The following PIK3R1 variants were observed in gnomAD, a reference collection of about 807,000 sequenced individuals.
The protein encoded by PIK3R1 is phosphatidylinositol 3-kinase regulatory subunit alpha.
A neutral mutation model predicts 98.0 loss-of-function variants in PIK3R1; 29 were observed. The ratio of observed to expected loss-of-function variants is 0.30; its 90% CI spans 0.22 to 0.40. The LOEUF is 0.40. Ranked by LOEUF, PIK3R1 falls within the 10% of genes least tolerant of loss-of-function variation. PIK3R1 has a pLI of 1.00. For synonymous variants in PIK3R1, 282 were observed against 311.8 expected (o/e 0.90, Z 1.01); for missense variants, 596 against 872.7 (o/e 0.68, Z 3.99).
intron 15 of PIK3R1, among the ~76,000 whole-genome samples, 163 bp downstream of exon 15, chr5:68,296,504 T>G (rs1419355183): frequency 1.3e-5 from 2 of 152,242 alleles, no homozygotes; most frequent in Non-Finnish European, 2.9e-5. Context: ...TAATACCATT[T>G]TAAAGTCTAG....
chr5:68,236,191 T>C (rs867151320), intron 2 of PIK3R1, among the ~76,000 whole-genome samples: 1 of 151,742 alleles, frequency 6.6e-6, no homozygotes, highest in African/African-American at 2.4e-5. Context: ...TTTATAGACA[T>C]TTTTCATTTG....
chr5:68,236,489 T>G (rs1392939389), intron 2 of PIK3R1, among the ~76,000 whole-genome samples: 1 of 152,010 alleles, frequency 6.6e-6, no homozygotes, highest in Non-Finnish European at 1.5e-5. Flanking sequence ...GACCTTGTGA[T>G]CCGCCCACCT....
At chr5:68,227,098 G>A in intron 2 of PIK3R1, 89 bp downstream of exon 2, 2 of 1,206,630 alleles carry the variant, frequency 1.7e-6, no homozygotes, top group East Asian at 2.4e-5. Flanking sequence ...GTTATGTTCT[G>A]GGCAGAAGTT....
In PIK3R1 at chr5:68,262,546, C is replaced by CTA. The variant is rs138447496; in HGVS notation, c.335-10843_335-10842dup. Reference sequence around the variant, plus strand: ...GATACATAGCTATATAGATACATATCTAATGTATACATGTATACACATGTA... The same window carrying CTA: ...GATACATAGCTATATAGATACATATCTATAATGTATACATGTATACACATGTA... On this transcript the variant is annotated intron_variant, in intron 2 of 15. Coordinates refer to ENST00000521381, the MANE Select transcript of PIK3R1 (RefSeq NM_181523.3). Among the ~76,000 whole-genome samples the CTA allele has an allele frequency of 2.7e-3, 374 of 140,708 alleles. 3 individuals carry two copies. The highest frequency in any genetic ancestry group is 9.4e-3 in the African/African-American group (352 of 37,452). The allele number at this position is 140,708 out of a possible 152,430, so 92.3% of individuals were successfully genotyped here. A position where few individuals can be genotyped will look rare whatever the true frequency, so the allele number is the denominator to read the frequency against.
chr5:68,219,309 T>G (rs553783598), intron 1 of PIK3R1, among the ~76,000 whole-genome samples: 1 of 152,344 alleles, frequency 6.6e-6, no homozygotes, highest in Admixed American at 6.5e-5. Flanking sequence ...AAAATAGTTG[T>G]CAGGTTAATG....
At position 68,226,306 on chromosome 5, in the gene PIK3R1, G is replaced by A. The variant is rs574669768; in HGVS notation, c.-370G>A. The A allele has an allele frequency of 5.3e-5, 22 of 414,388 alleles. No homozygotes were observed. The South Asian group carries it at 2.3e-3, about 43-fold the overall frequency. 25.7% of individuals were successfully genotyped at this position (414,388 alleles called of 1,614,324 possible). A position where few individuals can be genotyped will look rare whatever the true frequency, so the allele number is the denominator to read the frequency against. ...CATTCCTAGGTGAAGCTCGTGTGTG[G>A]AGTGCCACGGTACAATCAGACGACA... is the stretch of plus-strand genomic sequence containing the variant. On this transcript the variant is annotated 5_prime_UTR_variant, in exon 2 of 16. Transcript: ENST00000521381.
At chr5:68,292,948 C>T in intron 8 of PIK3R1, 153 bp from the exon 9 acceptor site, 1 of 683,284 alleles carries the variant, frequency 1.5e-6, no homozygotes. Flanking sequence ...TAATTTAAAT[C>T]TATGTGGGCA....
chr5:68,281,219 T>C (rs1361104941), intron 7 of PIK3R1, among the ~76,000 whole-genome samples: 2 of 152,214 alleles, frequency 1.3e-5, no homozygotes, highest in Non-Finnish European at 2.9e-5. Context: ...TTTTAAATTA[T>C]CTTGGTTTTA....
Position 68,273,983 on chromosome 5 carries a change from C to G in PIK3R1, c.472C>G (p.Leu158Val). ...TLYRTQSSSN[L>V]AELRQLLDCD... Reference sequence around the variant, plus strand: ...ATACAGAACACAGAGCTCCAGCAACCTGGCAGAATTACGACAGCTTCTTGA... The same window carrying G: ...ATACAGAACACAGAGCTCCAGCAACGTGGCAGAATTACGACAGCTTCTTGA... The change falls in exon 4 of 16, where the codon CTG (leucine) becomes GTG (valine). Residue 158 changes from leucine (L) to valine (V), a missense_variant. This residue lies in a region of PIK3R1 where 352 missense variants were observed against 393.3 expected (regional missense o/e 0.90). Transcript: ENST00000521381. 2 of 1,614,006 alleles carry G rather than the reference C, an allele frequency of 1.2e-6. No individual in the cohort carries two copies. The highest frequency in any genetic ancestry group is 1.7e-6 in the Non-Finnish European group (2 of 1,179,886).
Position 68,300,954 on chromosome 5 carries a change from T to A in PIK3R1, c.*3353T>A, listed in dbSNP as rs878919266. 1 of 233,470 alleles carries A rather than the reference T, an allele frequency of 4.3e-6. No individual in the cohort carries two copies. The highest frequency in any genetic ancestry group is 5.6e-5 in the Admixed American group (1 of 17,796). 14.5% of individuals were successfully genotyped at this position (233,470 alleles called of 1,614,324 possible). On this transcript the variant is annotated 3_prime_UTR_variant, in exon 16 of 16. Transcript: ENST00000521381. ...CGAGTCAAAATGTGTTTATGTGAGC[T>A]GTCACTGTGGGGAACCAATTGCTTT...
At chr5:68,280,186 C>T (rs1026934024) in intron 5 of PIK3R1, 2 of 345,226 alleles carry the variant, frequency 5.8e-6, no homozygotes, top group Non-Finnish European at 1.1e-5. Flanking sequence ...GGTTCGTAAC[C>T]TTCAAAGTTA....
At chr5:68,242,317 G>A (rs1399285994) in intron 2 of PIK3R1, among the ~76,000 whole-genome samples, 1 of 152,218 alleles carries the variant, frequency 6.6e-6, no homozygotes, top group Admixed American at 6.5e-5. Flanking sequence ...TTTTCATGTG[G>A]CCTCAAGTTG....
rs575767134 is a variant in PIK3R1, at chr5:68,263,229, C to T, written c.335-10161C>T. Among the ~76,000 whole-genome samples the T allele has an allele frequency of 3.8e-5, 5 of 132,946 alleles. No individual in the cohort carries two copies. In the East Asian group the frequency reaches 6.3e-4, roughly 17 times the overall value. 87.2% of individuals were successfully genotyped at this position (132,946 alleles called of 152,430 possible). On this transcript the variant is annotated intron_variant, in intron 2 of 15. Transcript: ENST00000521381. ...TATATATATATTTCTACATATATATCTATATATGTAGAAATATATATATAT... is the reference window on the plus strand; with the variant it reads ...TATATATATATTTCTACATATATATTTATATATGTAGAAATATATATATAT...
intron 4 of PIK3R1, among the ~76,000 whole-genome samples, chr5:68,279,101 GTCTC>G (rs1554049558): frequency 1.3e-5 from 2 of 152,192 alleles, no homozygotes; most frequent in Non-Finnish European, 2.9e-5. Context: ...TCCCTAGTGT[GTCTC>G]TCTCTGTGTC....
rs528170529 is a variant in PIK3R1 at position 68,288,903 on chromosome 5, T to C, written c.917-3356T>C. On this transcript the variant is annotated intron_variant, in intron 7 of 15. Coordinates refer to ENST00000521381, the MANE Select transcript of PIK3R1 (RefSeq NM_181523.3). ...ATTAGGGGAGACACTCCCCCTGTCC[T>C]CGAGGGGGACAGTGGCTGGGAAAGA... 5 of 785,636 alleles carry C rather than the reference T, an allele frequency of 6.4e-6. No individual in the cohort carries two copies. In the East Asian group the frequency reaches 1.0e-4, roughly 16 times the overall value. The allele number at this position is 785,636 out of a possible 1,614,324, so 48.7% of individuals were successfully genotyped here. A position where few individuals can be genotyped will look rare whatever the true frequency, so the allele number is the denominator to read the frequency against.
intron 15 of PIK3R1, 141 bp downstream of exon 15, chr5:68,296,482 C>G: frequency 1.3e-6 from 1 of 748,500 alleles, no homozygotes; most frequent in Non-Finnish European, 2.1e-6. Context: ...AGAAGAGAAA[C>G]CAAAGCAGCT....
rs1333953956 is a variant in PIK3R1 at position 68,295,407 on chromosome 5, A to T, written c.1746-13A>T. The T allele has an allele frequency of 6.2e-7, 1 of 1,614,176 alleles. No individual in the cohort carries two copies. Among genetic ancestry groups the T allele is most frequent in the South Asian group, 1.1e-5 (1 of 91,080 alleles). On this transcript the variant is annotated splice_polypyrimidine_tract_variant and intron_variant, in intron 13 of 15. Coordinates refer to ENST00000521381, the MANE Select transcript of PIK3R1 (RefSeq NM_181523.3). ...ATGAGTTAATGCGTTCTCTTTTCAA[A>T]ACTGTTTTTCAGGTGGTTGACTCAA... is the stretch of plus-strand genomic sequence containing the variant.
intron 2 of PIK3R1, among the ~76,000 whole-genome samples, chr5:68,268,522 A>G (rs1442602740): frequency 3.9e-5 from 6 of 152,242 alleles, no homozygotes; most frequent in African/African-American, 1.4e-4. Context: ...AGAGATTCAG[A>G]CAGAAACAGC....
At chr5:68,237,389 A>C (rs1214803855) in intron 2 of PIK3R1, among the ~76,000 whole-genome samples, 1 of 152,232 alleles carries the variant, frequency 6.6e-6, no homozygotes, top group Non-Finnish European at 1.5e-5. Flanking sequence ...TGCCAAATTT[A>C]TAACATTTGT....
Sources: gnomAD v4.1 joint callset for allele counts (sites outside exome capture counted in the v4.1 genomes callset) on GRCh38, gnomAD v4.1.1 for gene constraint, gnomAD v4.1.1 regional missense constraint, MANE v1.5 for transcripts, NCBI Gene and HGNC (gene_info 2026-07-23, HGNC 2026-07-21) for gene names.